NPLOC4: variants seen among roughly 807,000 people sequenced by gnomAD.
NPLOC4 encodes the protein nuclear protein localization protein 4 homolog.
In NPLOC4, 18 loss-of-function variants were observed where a neutral mutation model predicts 80.6. The ratio of observed to expected loss-of-function variants is 0.22; its 90% CI spans 0.15 to 0.33. The LOEUF (loss-of-function observed/expected upper bound fraction) is 0.33, where lower values mean the gene tolerates loss of function less well. Ranked by LOEUF, NPLOC4 falls within the 10% of genes least tolerant of loss-of-function variation. The probability of loss-of-function intolerance (pLI) is 1.00; values close to 1 mark genes in which losing one functional copy is unlikely to be tolerated. For synonymous variants in NPLOC4, 313 were observed against 301.5 expected, an observed-to-expected ratio of 1.04 and a Z score of -0.39; for missense variants, 540 against 786.1, an observed-to-expected ratio of 0.69 and a Z score of 3.74.
intron 8 of NPLOC4, 83 bp downstream of exon 8, chr17:81,604,465 A>G: frequency 7.8e-7 from 1 of 1,289,346 alleles, no homozygotes; most frequent in Non-Finnish European, 1.1e-6. Context: ...CAACAAAGCG[A>G]ACAGGGCAAG....
chr17:81,616,496 C>G (rs1023017623), intron 3 of NPLOC4, among the ~76,000 whole-genome samples: 1 of 151,136 alleles, frequency 6.6e-6, no homozygotes, highest in Non-Finnish European at 1.5e-5. Context: ...GTTGGGAGGC[C>G]GAGGCAGGAG....
At chr17:81,559,822 T>C (rs2144001022) in intron 16 of NPLOC4, among the ~76,000 whole-genome samples, 1 of 133,706 alleles carries the variant, frequency 7.5e-6, no homozygotes, top group East Asian at 2.6e-4. Context: ...AACCTCCACC[T>C]CCCGGGTTCA....
intron 9 of NPLOC4, 114 bp from the exon 10 acceptor site, chr17:81,597,430 C>T (rs905821714): frequency 2.5e-6 from 2 of 787,652 alleles, no homozygotes; most frequent in African/African-American, 3.4e-5. Flanking sequence ...GCAGGAGAAT[C>T]ACGAGGTTAA....
chr17:81,635,632 C>G (rs2036047656), intron 1 of NPLOC4, among the ~76,000 whole-genome samples: 1 of 152,202 alleles, frequency 6.6e-6, no homozygotes, highest in South Asian at 2.1e-4. Flanking sequence ...GTCTTGAACT[C>G]CTGACCTCAG....
At chr17:81,601,257 T>C (rs920098660) in intron 8 of NPLOC4, among the ~76,000 whole-genome samples, 1 of 152,184 alleles carries the variant, frequency 6.6e-6, no homozygotes, top group Non-Finnish European at 1.5e-5. Context: ...TCCTTGTAAA[T>C]TAGTGAAAAT....
At chr17:81,630,290 CT>C (rs202138659) in intron 1 of NPLOC4, among the ~76,000 whole-genome samples, 3 of 150,238 alleles carry the variant, frequency 2.0e-5, no homozygotes, top group African/African-American at 2.4e-5. Flanking sequence ...CTAATTGTTA[CT>C]TTTTTTTTGC....
In NPLOC4 at chr17:81,581,374, A is replaced by AGT. The variant is rs1220656592; in HGVS notation, c.1281+7569_1281+7570insAC. Among the ~76,000 whole-genome samples, 45 of 62,842 alleles carry AGT rather than the reference A, an allele frequency of 7.2e-4. 6 individuals carry two copies. The highest frequency in any genetic ancestry group is 9.4e-4 in the Non-Finnish European group (21 of 22,454). The allele number at this position is 62,842 out of a possible 152,430, so 41.2% of individuals were successfully genotyped here. Reference sequence around the variant, plus strand: ...AAAAAAAAAAAAAAAAAAAAAAAAAAAAGTTAATAAAATCACCATGTCACA... The same window carrying AGT: ...AAAAAAAAAAAAAAAAAAAAAAAAAAGTAAGTTAATAAAATCACCATGTCACA... On this transcript the variant is annotated intron_variant, in intron 12 of 16. Transcript: ENST00000331134.
intron 8 of NPLOC4, among the ~76,000 whole-genome samples, chr17:81,602,797 T>C (rs2144207429): frequency 6.6e-6 from 1 of 151,764 alleles, no homozygotes; most frequent in East Asian, 1.9e-4. Flanking sequence ...CCCAGAATTT[T>C]GGTAGGCTGA....
At chr17:81,606,249 A>T (rs2035200681) in intron 7 of NPLOC4, among the ~76,000 whole-genome samples, 1 of 152,112 alleles carries the variant, frequency 6.6e-6, no homozygotes, top group African/African-American at 2.4e-5. Context: ...GAGGAAGGCG[A>T]GGCAGGCTAC....
Position 81,581,417 on chromosome 17 carries a change from C to T in NPLOC4, c.1281+7527G>A, listed in dbSNP as rs936881648. Among the ~76,000 whole-genome samples, 4 of 146,234 alleles carry T rather than the reference C, an allele frequency of 2.7e-5. No individual in the cohort carries two copies. In the South Asian group the frequency reaches 8.7e-4, roughly 32 times the overall value. ...ATGTCACAAAAGAACTGAAAGCCAGCCCCTTGTCAAAGTGCCCAATTGTTA... is the reference window on the plus strand; with the variant it reads ...ATGTCACAAAAGAACTGAAAGCCAGTCCCTTGTCAAAGTGCCCAATTGTTA... On this transcript the variant is annotated intron_variant, in intron 12 of 16. Coordinates refer to ENST00000331134, the MANE Select transcript of NPLOC4 (RefSeq NM_017921.4).
rs1334725698 is a variant in NPLOC4, at chr17:81,604,435, T to C, written c.834+113A>G. The C allele has an allele frequency of 4.4e-6, 4 of 913,408 alleles. No individual in the cohort carries two copies. The African/African-American group carries it at 6.8e-5, about 15-fold the overall frequency. The allele number at this position is 913,408 out of a possible 1,614,324, so 56.6% of individuals were successfully genotyped here. ...AAAATGTTGTGCACGTGCACCGGTG[T>C]GTGACAAAGGGGGAACAAACAACAA... On this transcript the variant is annotated intron_variant, in intron 8 of 16. Coordinates refer to ENST00000331134, the MANE Select transcript of NPLOC4 (RefSeq NM_017921.4).
chr17:81,616,430 T>C (rs1177353741), intron 3 of NPLOC4, among the ~76,000 whole-genome samples: 1 of 149,542 alleles, frequency 6.7e-6, no homozygotes, highest in African/African-American at 2.5e-5. Flanking sequence ...AAAATCCAAA[T>C]GTAGAAGAGT....
intron 7 of NPLOC4, among the ~76,000 whole-genome samples, chr17:81,605,424 T>A (rs1414150290): frequency 6.6e-6 from 1 of 151,190 alleles, no homozygotes; most frequent in Non-Finnish European, 1.5e-5. Flanking sequence ...GGCAGGCGGA[T>A]CTCTTGAGTC....
At chr17:81,633,913 C>G (rs2144349181) in intron 1 of NPLOC4, among the ~76,000 whole-genome samples, 1 of 151,366 alleles carries the variant, frequency 6.6e-6, no homozygotes, top group East Asian at 1.9e-4. Context: ...GTCACCCAGG[C>G]TGGAGTGCAG....
intron 8 of NPLOC4, among the ~76,000 whole-genome samples, chr17:81,604,111 T>A (rs1333004620): frequency 6.6e-6 from 1 of 152,106 alleles, no homozygotes; most frequent in African/African-American, 2.4e-5. Flanking sequence ...ATCAGTCCTA[T>A]TTTGGTGGCA....
chr17:81,617,557 C>G (rs1248823374), intron 3 of NPLOC4, among the ~76,000 whole-genome samples: 1 of 152,124 alleles, frequency 6.6e-6, no homozygotes, highest in African/African-American at 2.4e-5. Context: ...TGCCTGTAAT[C>G]CCAGCACTTT....
intron 13 of NPLOC4, among the ~76,000 whole-genome samples, chr17:81,569,696 G>T (rs1445223399): frequency 6.6e-6 from 1 of 152,172 alleles, no homozygotes; most frequent in East Asian, 1.9e-4. Flanking sequence ...GGCCCTTGAG[G>T]AACACAGGGT....
intron 13 of NPLOC4, among the ~76,000 whole-genome samples, chr17:81,570,192 G>A (rs1239317478): frequency 6.6e-6 from 1 of 152,234 alleles, no homozygotes; most frequent in African/African-American, 2.4e-5. Flanking sequence ...CGGCGGGGTG[G>A]GTCATGAAGA....
chr17:81,636,171 A>G (rs1019957212), intron 1 of NPLOC4, among the ~76,000 whole-genome samples: 5 of 152,004 alleles, frequency 3.3e-5, no homozygotes, highest in Non-Finnish European at 7.4e-5. Flanking sequence ...AGATTTTGCC[A>G]TGTTGGCCAG....
Sources: gnomAD v4.1 joint callset for allele counts (sites outside exome capture counted in the v4.1 genomes callset) on GRCh38, gnomAD v4.1.1 for gene constraint, MANE v1.5 for transcripts, NCBI Gene and HGNC (gene_info 2026-07-23, HGNC 2026-07-21) for gene names.